HSD17B2: variants seen among roughly 807,000 people sequenced by gnomAD.
HSD17B2 encodes the protein 17-beta-hydroxysteroid dehydrogenase type 2.
HSD17B2 carries 32 observed loss-of-function variants against 26.9 expected under a neutral mutation model. That is an observed-to-expected ratio of 1.19 (90% CI 0.90 to 1.60). HSD17B2 has a LOEUF of 1.60. Among genes scored for constraint, HSD17B2 ranks in the 40% most tolerant of loss-of-function variants. The pLI is 0.00. For missense variants in HSD17B2, 613 were observed against 468.6 expected, an observed-to-expected ratio of 1.31 and a Z score of -2.85; for synonymous variants, 246 against 186.7, an observed-to-expected ratio of 1.32 and a Z score of -2.59.
chr16:82,042,551 C>T lies in HSD17B2; in HGVS notation c.265+6862C>T, dbSNP rs181275535. ...TAAGAGGAAATAGAAAATTGTGGATCTTTGTGTGTGAAATCTCCCATTTAA... is the reference window on the plus strand; with the variant it reads ...TAAGAGGAAATAGAAAATTGTGGATTTTTGTGTGTGAAATCTCCCATTTAA... On this transcript the variant is annotated intron_variant, in intron 1 of 4. Transcript: ENST00000199936. Among the ~76,000 whole-genome samples, 12 of 152,290 alleles carry T rather than the reference C, an allele frequency of 7.9e-5. No individual in the cohort carries two copies. The South Asian group carries it at 2.5e-3, about 32-fold the overall frequency.
chr16:82,047,823 G>GT (rs1364613910), intron 1 of HSD17B2, among the ~76,000 whole-genome samples: 2 of 152,180 alleles, frequency 1.3e-5, no homozygotes, highest in African/African-American at 4.8e-5. Flanking sequence ...TGAGCTCCAT[G>GT]CAGGGAGGCA....
intron 3 of HSD17B2, among the ~76,000 whole-genome samples, chr16:82,081,597 CA>C (rs536268482): frequency 1.1e-3 from 165 of 152,252 alleles, no homozygotes; most frequent in African/African-American, 3.9e-3. Context: ...GACAAATAAG[CA>C]GAGGAAATAT....
chr16:82,058,664 G>A (rs919106184), intron 1 of HSD17B2, among the ~76,000 whole-genome samples: 6 of 152,192 alleles, frequency 3.9e-5, no homozygotes, highest in South Asian at 2.1e-4. Context: ...AGGGTAATGC[G>A]AATTTTCACG....
chr16:82,084,314 C>G (rs1407477753), intron 3 of HSD17B2, among the ~76,000 whole-genome samples: 1 of 152,110 alleles, frequency 6.6e-6, no homozygotes, highest in African/African-American at 2.4e-5. Context: ...CCTTGACCCA[C>G]TAGATAATAG....
At position 82,098,104 on chromosome 16, in the gene HSD17B2, A is replaced by C. The variant is rs372754627; in HGVS notation, c.832A>C (p.Lys278Gln). The C allele has an allele frequency of 4.3e-6, 7 of 1,613,384 alleles. No individual in the cohort carries two copies. ...NIAGTSDKWE[K>Q]LEKDILDHLP... Reference sequence around the variant, plus strand: ...CGCAGGCACCAGTGACAAGTGGGAAAAGCTGGAGAAGGACATTCTGGACCA... The same window carrying C: ...CGCAGGCACCAGTGACAAGTGGGAACAGCTGGAGAAGGACATTCTGGACCA... The change falls in exon 5 of 5, where the codon AAG (lysine) becomes CAG (glutamine). Residue 278 changes from lysine to glutamine, a missense_variant. Coordinates refer to ENST00000199936, the MANE Select transcript of HSD17B2 (RefSeq NM_002153.3).
At chr16:82,091,180 C>T (rs538425787) in intron 4 of HSD17B2, 141 bp downstream of exon 4, 1 of 849,226 alleles carries the variant, frequency 1.2e-6, no homozygotes, top group Admixed American at 1.8e-5. Context: ...GGGGTGAAAA[C>T]AGGTTTGATT....
chr16:82,091,827 C>T (rs1904703381), intron 4 of HSD17B2: 2 of 152,216 alleles, frequency 1.3e-5, no homozygotes, highest in Non-Finnish European at 2.9e-5. Flanking sequence ...CCATGTATGG[C>T]TTCACCCCTG....
chr16:82,080,760 T>C (rs1312417170), intron 3 of HSD17B2, among the ~76,000 whole-genome samples: 1 of 152,192 alleles, frequency 6.6e-6, no homozygotes, highest in Non-Finnish European at 1.5e-5. Context: ...CCCAATCTCA[T>C]GTAATTCAGG....
chr16:82,054,446 G>C (rs182414063), intron 1 of HSD17B2, among the ~76,000 whole-genome samples: 13 of 152,180 alleles, frequency 8.5e-5, no homozygotes, highest in African/African-American at 3.1e-4. Context: ...CCAGGTTCAA[G>C]CAATTCTCCT....
chr16:82,067,749 A>G (rs1341787991), intron 1 of HSD17B2, among the ~76,000 whole-genome samples: 2 of 152,226 alleles, frequency 1.3e-5, no homozygotes, highest in African/African-American at 4.8e-5. Flanking sequence ...ACCGAGTCCA[A>G]AGTATGAGTT....
intron 1 of HSD17B2, chr16:82,052,430 T>C (rs970814598): frequency 1.3e-5 from 2 of 152,272 alleles, no homozygotes; most frequent in Non-Finnish European, 2.9e-5. Flanking sequence ...CGAACTGTCA[T>C]GTATCCAAAT....
intron 1 of HSD17B2, among the ~76,000 whole-genome samples, chr16:82,045,530 A>G (rs946871061): frequency 2.7e-4 from 41 of 152,230 alleles, no homozygotes; most frequent in Non-Finnish European, 4.0e-4. Context: ...CCTATTTTCT[A>G]TCTTTTCCAG....
chr16:82,035,514 C>T lies in HSD17B2; in HGVS notation c.90C>T (p.Ser30=), dbSNP rs1219803757. ...CGTVFCKYKK[S]SGQLWSWMVC... is the part of the protein sequence containing the mutation. The stretch of plus-strand genomic sequence containing the variant: ...CAGTATTTTGCAAATACAAGAAGAG[C>T]TCAGGGCAGCTGTGGAGCTGGATGG... Residue 30 remains serine (S), a synonymous_variant, in exon 1 of 5, where the codon AGC becomes AGT. Coordinates refer to ENST00000199936, the MANE Select transcript of HSD17B2 (RefSeq NM_002153.3). The T allele has an allele frequency of 1.9e-6, 3 of 1,614,158 alleles. No homozygotes were observed. Among genetic ancestry groups the T allele is most frequent in the East Asian group, 2.2e-5 (1 of 44,878 alleles).
At chr16:82,041,601 A>G (rs1241897251) in intron 1 of HSD17B2, among the ~76,000 whole-genome samples, 1 of 152,222 alleles carries the variant, frequency 6.6e-6, no homozygotes, top group Non-Finnish European at 1.5e-5. Flanking sequence ...GTGTCCTTCT[A>G]ATCACCAGAG....
Position 82,098,098 on chromosome 16 carries a change from T to A in HSD17B2, c.826T>A (p.Trp276Arg). 2 of 1,612,822 alleles carry A rather than the reference T, an allele frequency of 1.2e-6. No individual in the cohort carries two copies. The highest frequency in any genetic ancestry group is 1.7e-6 in the Non-Finnish European group (2 of 1,179,302). ...LTNIAGTSDK[W>R]EKLEKDILDH... ...AGATATCGCAGGCACCAGTGACAAGTGGGAAAAGCTGGAGAAGGACATTCT... is the reference window on the plus strand; with the variant it reads ...AGATATCGCAGGCACCAGTGACAAGAGGGAAAAGCTGGAGAAGGACATTCT... Residue 276 changes from tryptophan (W) to arginine (R), a missense_variant, in exon 5 of 5, where the codon TGG becomes AGG. Physicochemically the swap from Trp to Arg is moderately radical, Grantham distance 101. Transcript: ENST00000199936.
At position 82,091,002 on chromosome 16, in the gene HSD17B2, T is replaced by C; in HGVS notation, c.765T>C (p.Ile255=). 1.2e-6 allele frequency: 2 copies of C among 1,613,990 alleles called. No individual in the cohort carries two copies. Among genetic ancestry groups the C allele is most frequent in the Non-Finnish European group, 8.5e-7 (1 of 1,179,896 alleles). ...VMRLELSKWG[I]KVASIQPGGF... The stretch of plus-strand genomic sequence containing the variant: ...GACTGGAGCTTTCCAAGTGGGGAAT[T>C]AAAGTTGCTTCCATCCAACCTGGAG... The change falls in exon 4 of 5, where the codon ATT becomes ATC. Residue 255 remains isoleucine, a synonymous_variant. Coordinates refer to ENST00000199936, the MANE Select transcript of HSD17B2 (RefSeq NM_002153.3).
intron 1 of HSD17B2, among the ~76,000 whole-genome samples, chr16:82,047,432 G>A (rs527248554): frequency 6.6e-6 from 1 of 152,308 alleles, no homozygotes; most frequent in East Asian, 1.9e-4. Context: ...CACTTATTGA[G>A]CAACTCTGTG....
At chr16:82,063,805 G>A (rs1326704824) in intron 1 of HSD17B2, among the ~76,000 whole-genome samples, 1 of 152,132 alleles carries the variant, frequency 6.6e-6, no homozygotes, top group Admixed American at 6.5e-5. Context: ...TCAGGCTGAG[G>A]GTGGGCCAGG....
Position 82,047,900 on chromosome 16 carries a change from T to G in HSD17B2, c.265+12211T>G, listed in dbSNP as rs8044837. Among the ~76,000 whole-genome samples the G allele has an allele frequency of 2.4e-4, 36 of 152,090 alleles. 1 individual carries two copies. Among genetic ancestry groups the G allele is most frequent in the African/African-American group, 8.0e-4 (33 of 41,466 alleles). On this transcript the variant is annotated intron_variant, in intron 1 of 4. Coordinates refer to ENST00000199936, the MANE Select transcript of HSD17B2 (RefSeq NM_002153.3). Reference sequence around the variant, plus strand: ...AGGAATGAATGCATAGACAAAGGAATGTAGAGAATGATTCTGAGGGTCTGA... The same window carrying G: ...AGGAATGAATGCATAGACAAAGGAAGGTAGAGAATGATTCTGAGGGTCTGA...
Sources: allele counts gnomAD v4.1 joint callset (sites outside exome capture counted in the v4.1 genomes callset), GRCh38; gene constraint gnomAD v4.1.1; transcripts MANE v1.5; gene names NCBI Gene and HGNC (gene_info 2026-07-23, HGNC 2026-07-21).